MRPS9: variants seen among roughly 807,000 people sequenced by gnomAD.
The protein encoded by MRPS9 is small ribosomal subunit protein uS9m.
In MRPS9, 45 loss-of-function variants were observed where a neutral mutation model predicts 59.9. That is an observed-to-expected ratio of 0.75 (90% confidence interval 0.59 to 0.96). MRPS9 has a LOEUF of 0.96. Ranked by LOEUF, MRPS9 falls within the 40% of genes least tolerant of loss-of-function variation. The probability of loss-of-function intolerance (pLI) is 0.00; values close to 1 mark genes in which losing one functional copy is unlikely to be tolerated. For synonymous variants in MRPS9, 171 were observed against 166.8 expected, an observed-to-expected ratio of 1.03 and a Z score of -0.19; for missense variants, 473 against 481.1, an observed-to-expected ratio of 0.98 and a Z score of 0.16.
chr2:105,099,728 A>G lies in MRPS9; in HGVS notation c.1158A>G (p.Gly386=), dbSNP rs1192209931. 1.2e-6 allele frequency: 2 copies of G among 1,614,136 alleles called. No homozygotes were observed. The highest frequency in any genetic ancestry group is 3.3e-5 in the Admixed American group (2 of 60,018). ...VRERKKPGQE[G]ARRKFTWKKR ...AACGGAAGAAGCCAGGCCAAGAGGGAGCCCGCAGAAAGTTTACGTGGAAGA... is the reference window on the plus strand; with the variant it reads ...AACGGAAGAAGCCAGGCCAAGAGGGGGCCCGCAGAAAGTTTACGTGGAAGA... The change falls in exon 11 of 11, where the codon GGA becomes GGG. Residue 386 remains glycine (G), a synonymous_variant. Coordinates refer to ENST00000258455, the MANE Select transcript of MRPS9 (RefSeq NM_182640.3).
intron 2 of MRPS9, among the ~76,000 whole-genome samples, chr2:105,067,474 G>A (rs1037279810): frequency 4.6e-5 from 7 of 152,132 alleles, no homozygotes; most frequent in Admixed American, 4.6e-4. Context: ...TGGTTACAGT[G>A]ATGACCACTA....
At chr2:105,077,680 A>G (rs2104458504) in intron 4 of MRPS9, among the ~76,000 whole-genome samples, 1 of 152,316 alleles carries the variant, frequency 6.6e-6, no homozygotes, top group East Asian at 1.9e-4. Context: ...GTGTAAAATT[A>G]TGTTTTTATT....
intron 1 of MRPS9, among the ~76,000 whole-genome samples, chr2:105,042,956 C>A (rs1186912961): frequency 6.6e-6 from 1 of 152,014 alleles, no homozygotes; most frequent in South Asian, 2.1e-4. Flanking sequence ...TTTTATTTCT[C>A]CCCTCCCACC....
rs147256802 is a variant in MRPS9 at position 105,075,556 on chromosome 2, G to C, written c.409+4067G>C. ...TGTAGAGCAGAAGAAAAGAATGAAA[G>C]CTTCTAAATTCCCTTCAGAGGGTCA... On this transcript the variant is annotated intron_variant, in intron 4 of 10. Coordinates refer to ENST00000258455, the MANE Select transcript of MRPS9 (RefSeq NM_182640.3). Among the ~76,000 whole-genome samples the C allele has an allele frequency of 4.2e-3, 643 of 152,266 alleles. 6 individuals carry two copies. The highest frequency in any genetic ancestry group is 0.015 in the African/African-American group (609 of 41,552).
chr2:105,057,050 T>A (rs1679803978), intron 2 of MRPS9, among the ~76,000 whole-genome samples: 1 of 152,160 alleles, frequency 6.6e-6, no homozygotes, highest in East Asian at 1.9e-4. Flanking sequence ...AGTAAAGTAT[T>A]ATAACTAAAA....
At position 105,038,245 on chromosome 2, in the gene MRPS9, T is replaced by A; in HGVS notation, c.135+18T>A. The A allele has an allele frequency of 6.2e-7, 1 of 1,605,082 alleles. No individual in the cohort carries two copies. Among genetic ancestry groups the A allele is most frequent in the Admixed American group, 1.7e-5 (1 of 58,696 alleles). On this transcript the variant is annotated intron_variant, in intron 1 of 10. Coordinates refer to ENST00000258455, the MANE Select transcript of MRPS9 (RefSeq NM_182640.3). Reference sequence around the variant, plus strand: ...GATCCCAGGTAAGGCCTGGGAAGACTGGAAGCGGCTTACCTCTGCCGCGCG... The same window carrying A: ...GATCCCAGGTAAGGCCTGGGAAGACAGGAAGCGGCTTACCTCTGCCGCGCG...
chr2:105,077,694 G>A (rs891325477), intron 4 of MRPS9, among the ~76,000 whole-genome samples: 1 of 152,060 alleles, frequency 6.6e-6, no homozygotes, highest in Non-Finnish European at 1.5e-5. Flanking sequence ...TTTTATTATA[G>A]ATAACTGAAT....
At chr2:105,089,285 T>G (rs1680510118) in intron 6 of MRPS9, among the ~76,000 whole-genome samples, 2 of 152,226 alleles carry the variant, frequency 1.3e-5, no homozygotes, top group Non-Finnish European at 2.9e-5. Context: ...TTATATGTGA[T>G]AGAATATTTA....
intron 2 of MRPS9, among the ~76,000 whole-genome samples, chr2:105,071,004 T>C (rs1680101790): frequency 6.6e-6 from 1 of 152,242 alleles, no homozygotes; most frequent in Non-Finnish European, 1.5e-5. Flanking sequence ...CTTAAGCACA[T>C]TTCCACAGAA....
intron 9 of MRPS9, among the ~76,000 whole-genome samples, chr2:105,095,789 G>A (rs35149563): frequency 0.41 from 62,197 of 151,482 alleles, 12,795 homozygotes; most frequent in East Asian, 0.45. Context: ...GAGCCACTGC[G>A]CCCAGCCTAA....
At chr2:105,043,446 GTAATCCTCAGAT>G (rs1679536878) in intron 1 of MRPS9, among the ~76,000 whole-genome samples, 2 of 152,208 alleles carry the variant, frequency 1.3e-5, no homozygotes, top group Admixed American at 1.3e-4. Flanking sequence ...CTGACTCAAA[GTAATCCTCAGAT>G]GTTCCTCCTC....
At chr2:105,087,399 G>A (rs1680469973) in intron 5 of MRPS9, among the ~76,000 whole-genome samples, 1 of 152,116 alleles carries the variant, frequency 6.6e-6, no homozygotes, top group South Asian at 2.1e-4. Flanking sequence ...TACATTTCTA[G>A]CCAGTCTAGG....
chr2:105,093,394 T>C, intron 8 of MRPS9, 136 bp from the exon 9 acceptor site: 1 of 439,256 alleles, frequency 2.3e-6, no homozygotes, highest in Non-Finnish European at 4.1e-6. Flanking sequence ...TTGTTTGACT[T>C]GAAATAATAG....
chr2:105,075,275 A>T (rs763851643), intron 4 of MRPS9, among the ~76,000 whole-genome samples: 6 of 152,180 alleles, frequency 3.9e-5, no homozygotes, highest in Non-Finnish European at 7.3e-5. Context: ...GGGGACCCCT[A>T]CTGTAGAACC....
chr2:105,043,224 A>T (rs772223067), intron 1 of MRPS9, among the ~76,000 whole-genome samples: 2 of 152,164 alleles, frequency 1.3e-5, no homozygotes, highest in Non-Finnish European at 2.9e-5. Context: ...GTTTTATTTG[A>T]TTGGTAAGTA....
intron 7 of MRPS9, among the ~76,000 whole-genome samples, chr2:105,090,336 C>T (rs573845355): frequency 1.1e-4 from 16 of 152,152 alleles, no homozygotes; most frequent in Non-Finnish European, 2.2e-4. Flanking sequence ...ATTTTACAAG[C>T]TGATGATAAG....
intron 2 of MRPS9, among the ~76,000 whole-genome samples, chr2:105,066,986 A>G (rs1484292358): frequency 6.6e-6 from 1 of 152,178 alleles, no homozygotes; most frequent in Non-Finnish European, 1.5e-5. Flanking sequence ...GCATACCCCC[A>G]TCACCTAGAT....
chr2:105,071,866 T>C (rs949355748), intron 4 of MRPS9, among the ~76,000 whole-genome samples: 3 of 152,228 alleles, frequency 2.0e-5, no homozygotes, highest in African/African-American at 7.2e-5. Context: ...TTTTCTTTTC[T>C]GTTCTTTCAA....
At chr2:105,041,780 G>C (rs1202913934) in intron 1 of MRPS9, among the ~76,000 whole-genome samples, 1 of 152,136 alleles carries the variant, frequency 6.6e-6, no homozygotes, top group East Asian at 1.9e-4. Flanking sequence ...ATTAGCAACA[G>C]AAAAGCCCTT....
Sources: allele counts gnomAD v4.1 joint callset (sites outside exome capture counted in the v4.1 genomes callset), GRCh38; gene constraint gnomAD v4.1.1; transcripts MANE v1.5; gene names NCBI Gene and HGNC (gene_info 2026-07-23, HGNC 2026-07-21).